Variants in ATF2 observed in about 807,000 individuals in gnomAD.
The protein encoded by ATF2 is cyclic AMP-dependent transcription factor ATF-2.
In ATF2, 24 loss-of-function variants were observed where a neutral mutation model predicts 60.6. The observed-to-expected ratio is 0.40, with a 90% confidence interval of 0.29 to 0.56. The LOEUF (loss-of-function observed/expected upper bound fraction) is 0.56, where lower values mean the gene tolerates loss of function less well. ATF2 is among the 20% of genes least tolerant of loss of function. The pLI, the probability that ATF2 is intolerant of heterozygous loss-of-function variation, is 0.54. For synonymous variants in ATF2, 206 were observed against 215.4 expected (o/e 0.96, Z 0.38); for missense variants, 433 against 607.7 (o/e 0.71, Z 3.02).
chr2:175,085,669 G>A (rs954344117), intron 12 of ATF2, among the ~76,000 whole-genome samples: 1 of 150,976 alleles, frequency 6.6e-6, no homozygotes, highest in Non-Finnish European at 1.5e-5. Context: ...CAAACTTAAC[G>A]GTTGGTGGTA....
chr2:175,088,907 T>G (rs538212204), intron 12 of ATF2, among the ~76,000 whole-genome samples: 1 of 152,224 alleles, frequency 6.6e-6, no homozygotes, highest in East Asian at 1.9e-4. Context: ...ATTGGCTGGG[T>G]GCAGTTGCTC....
rs956958975 is a variant in ATF2 at position 175,072,580 on chromosome 2, G to A, written c.*2029C>T. The A allele has an allele frequency of 2.6e-5, 4 of 152,048 alleles. No individual in the cohort carries two copies. The highest frequency in any genetic ancestry group is 5.9e-5 in the Non-Finnish European group (4 of 67,992). 9.4% of individuals were successfully genotyped at this position (152,048 alleles called of 1,614,324 possible). On this transcript the variant is annotated 3_prime_UTR_variant, in exon 14 of 14. Transcript: ENST00000264110. ...TACCAAAGAACCTTAACTTGCATAA[G>A]TAATAAGATGAAAGAAAAATGTACT...
chr2:175,151,188 G>A (rs1699290485), intron 1 of ATF2, 30 bp from the exon 2 acceptor site: 1 of 152,250 alleles, frequency 6.6e-6, no homozygotes, highest in Non-Finnish European at 1.5e-5. Context: ...AGAAAAGAGT[G>A]AACTTATTAC....
At chr2:175,075,797 G>T (rs1314185775) in intron 13 of ATF2, among the ~76,000 whole-genome samples, 1 of 152,028 alleles carries the variant, frequency 6.6e-6, no homozygotes, top group Non-Finnish European at 1.5e-5. Context: ...AACCATTCTC[G>T]TTTTTTCTCT....
chr2:175,115,616 T>A (rs549855404), intron 7 of ATF2, among the ~76,000 whole-genome samples: 3 of 152,314 alleles, frequency 2.0e-5, no homozygotes, highest in African/African-American at 7.2e-5. Flanking sequence ...TTGGCCTGTA[T>A]GCTGCCACTT....
intron 10 of ATF2, among the ~76,000 whole-genome samples, chr2:175,106,024 G>C (rs1165679370): frequency 6.6e-6 from 1 of 152,040 alleles, no homozygotes; most frequent in Non-Finnish European, 1.5e-5. Context: ...GATTTAAATA[G>C]ATAATCTAAG....
intron 2 of ATF2, among the ~76,000 whole-genome samples, chr2:175,150,117 G>C (rs1013086865): frequency 6.6e-6 from 1 of 152,200 alleles, no homozygotes; most frequent in South Asian, 2.1e-4. Context: ...CACAGAGTAA[G>C]AAAAAATTAT....
At chr2:175,168,019 G>A (rs1419128048) in intron 1 of ATF2, 31 bp downstream of exon 1, 2 of 293,736 alleles carry the variant, frequency 6.8e-6, no homozygotes, top group South Asian at 5.6e-5. Context: ...ACAGTCTCCA[G>A]CCCTGCTGAC....
intron 10 of ATF2, among the ~76,000 whole-genome samples, chr2:175,107,088 A>G (rs1478001532): frequency 1.3e-5 from 2 of 151,834 alleles, no homozygotes; most frequent in East Asian, 1.9e-4. Flanking sequence ...TCATGCCACA[A>G]CACTCCAGCC....
At chr2:175,118,993 T>C (rs988566776) in intron 5 of ATF2, among the ~76,000 whole-genome samples, 1 of 151,718 alleles carries the variant, frequency 6.6e-6, no homozygotes, top group Middle Eastern at 3.2e-3. Context: ...GTGAGTCACA[T>C]GCCTCCAGAA....
intron 13 of ATF2, chr2:175,075,182 G>T: frequency 1.3e-6 from 1 of 763,618 alleles, no homozygotes; most frequent in Non-Finnish European, 1.8e-6. Flanking sequence ...AACAAACTCA[G>T]TCTGGTTGGC....
At chr2:175,114,536 A>C in intron 8 of ATF2, 154 bp downstream of exon 8, 1 of 1,347,864 alleles carries the variant, frequency 7.4e-7, no homozygotes, top group Non-Finnish European at 9.6e-7. Flanking sequence ...ATTTATATTA[A>C]AGAAGACTAC....
At chr2:175,091,773 G>A (rs1376467240) in intron 12 of ATF2, among the ~76,000 whole-genome samples, 1 of 152,200 alleles carries the variant, frequency 6.6e-6, no homozygotes, top group Non-Finnish European at 1.5e-5. Flanking sequence ...TGAGGCAGGA[G>A]AATCACTGGC....
At chr2:175,126,646 T>G (rs200261893) in intron 4 of ATF2, 1 of 152,208 alleles carries the variant, frequency 6.6e-6, no homozygotes, top group Non-Finnish European at 1.5e-5. Flanking sequence ...TTCTGTTTAA[T>G]TGTAATGCTT....
chr2:175,153,438 A>G (rs527715388), intron 1 of ATF2, among the ~76,000 whole-genome samples: 1 of 152,350 alleles, frequency 6.6e-6, no homozygotes, highest in Non-Finnish European at 1.5e-5. Flanking sequence ...AAACCTGTAC[A>G]GGATGTTACT....
intron 2 of ATF2, among the ~76,000 whole-genome samples, chr2:175,140,473 G>A (rs942456121): frequency 2.6e-5 from 4 of 152,150 alleles, no homozygotes; most frequent in African/African-American, 9.7e-5. Context: ...TGGTTGCTGA[G>A]GGACAGGAGT....
At chr2:175,142,716 AGAGAGTGTGTGTGTGTGTGT>A (rs1330881803) in intron 2 of ATF2, among the ~76,000 whole-genome samples, 1 of 120,726 alleles carries the variant, frequency 8.3e-6, no homozygotes, top group Non-Finnish European at 1.7e-5. Flanking sequence ...AGAGAGAGAG[AGAGAGTGTGTGTGTGTGTGT>A]GTGTGTGTGT....
chr2:175,118,161 AGT>A (rs771794913), intron 6 of ATF2, 43 bp from the exon 7 acceptor site: 2 of 1,597,856 alleles, frequency 1.3e-6, no homozygotes, highest in Non-Finnish European at 8.5e-7. Flanking sequence ...GTTCAAAAAC[AGT>A]GTGTCTAAAT....
chr2:175,122,867 C>A (rs540288012), intron 4 of ATF2, among the ~76,000 whole-genome samples: 1 of 152,014 alleles, frequency 6.6e-6, no homozygotes, highest in East Asian at 1.9e-4. Context: ...TAAAAAAGAC[C>A]CTAAACCATT....
Sources: allele counts gnomAD v4.1 joint callset (sites outside exome capture counted in the v4.1 genomes callset), GRCh38; gene constraint gnomAD v4.1.1; transcripts MANE v1.5; gene names NCBI Gene and HGNC (gene_info 2026-07-23, HGNC 2026-07-21).